MTHFD1: variants seen among roughly 807,000 people sequenced by gnomAD.
MTHFD1 encodes methylenetetrahydrofolate dehydrogenase, cyclohydrolase and formyltetrahydrofolate synthetase 1, also known as C-1-tetrahydrofolate synthase, cytoplasmic.
MTHFD1 carries 44 observed loss-of-function variants against 110.3 expected under a neutral mutation model. That is an observed-to-expected ratio of 0.40 (90% confidence interval 0.31 to 0.51). MTHFD1 has a LOEUF of 0.51. Ranked by LOEUF, MTHFD1 falls within the 20% of genes least tolerant of loss-of-function variation. The probability of loss-of-function intolerance (pLI) is 0.60; values close to 1 mark genes in which losing one functional copy is unlikely to be tolerated. For missense variants in MTHFD1, 909 were observed against 1,173.1 expected (o/e 0.77, Z 3.29); for synonymous variants, 402 against 428.8 (o/e 0.94, Z 0.77).
chr14:64,391,926 T>C (rs1391302022), intron 1 of MTHFD1, among the ~76,000 whole-genome samples: 1 of 152,162 alleles, frequency 6.6e-6, no homozygotes, highest in African/African-American at 2.4e-5. Context: ...TGCATACTGA[T>C]GGGTAGAGAC....
intron 17 of MTHFD1, among the ~76,000 whole-genome samples, chr14:64,439,912 A>T (rs577219417): frequency 1.3e-5 from 2 of 149,776 alleles, no homozygotes; most frequent in Admixed American, 6.7e-5. Context: ...AAAAAAAAAA[A>T]AAAAAATGAC....
At chr14:64,421,236 G>T (rs1033791784) in intron 8 of MTHFD1, among the ~76,000 whole-genome samples, 1 of 152,090 alleles carries the variant, frequency 6.6e-6, no homozygotes, top group Non-Finnish European at 1.5e-5. Flanking sequence ...ACGGCGTCCT[G>T]TGCTCTCCTG....
chr14:64,398,520 C>G (rs1239508415), intron 1 of MTHFD1, among the ~76,000 whole-genome samples: 2 of 151,878 alleles, frequency 1.3e-5, no homozygotes, highest in African/African-American at 2.4e-5. Flanking sequence ...GCACTCCAGC[C>G]TGGGTGATAG....
In MTHFD1 at chr14:64,425,777, A is replaced by G. The variant is rs1237391515; in HGVS notation, c.903A>G (p.Gly301=). The change falls in exon 10 of 28, where the codon GGA becomes GGG. Residue 301 remains glycine, a synonymous_variant. Coordinates refer to ENST00000652337, the MANE Select transcript of MTHFD1 (RefSeq NM_005956.4). The part of the protein sequence containing the change: ...AKRFLEKFKP[G]KWMIQYNNLN... ...GTTTCCTGGAGAAATTTAAGCCAGGAAAGTGGATGATTCAGTATAACAACC... is the reference window on the plus strand; with the variant it reads ...GTTTCCTGGAGAAATTTAAGCCAGGGAAGTGGATGATTCAGTATAACAACC... 6 of 1,613,586 alleles carry G rather than the reference A, an allele frequency of 3.7e-6. No individual in the cohort carries two copies. Among genetic ancestry groups the G allele is most frequent in the Middle Eastern group, 1.8e-4 (1 of 5,692 alleles).
chr14:64,412,828 C>T (rs1016096055), intron 4 of MTHFD1, among the ~76,000 whole-genome samples: 2 of 151,352 alleles, frequency 1.3e-5, no homozygotes, highest in Non-Finnish European at 1.5e-5. Flanking sequence ...AATAGAGACG[C>T]GGTTTCACCA....
In MTHFD1 at chr14:64,442,087, G is replaced by A; in HGVS notation, c.1918G>A (p.Ala640Thr). 1 of 1,614,148 alleles carries A rather than the reference G, an allele frequency of 6.2e-7. No homozygotes were observed. Among genetic ancestry groups the A allele is most frequent in the Non-Finnish European group, 8.5e-7 (1 of 1,180,022 alleles). ...TPVFVHAGPF[A>T]NIAHGNSSII... is the part of the protein sequence containing the mutation. ...AGTGTTTGTCCATGCTGGCCCGTTTGCCAACATCGCACATGGCAATTCCTC... is the reference window on the plus strand; with the variant it reads ...AGTGTTTGTCCATGCTGGCCCGTTTACCAACATCGCACATGGCAATTCCTC... Residue 640 changes from alanine to threonine, a missense_variant, in exon 20 of 28, where the codon GCC becomes ACC. By Grantham distance (58) the Ala-to-Thr change is moderately conservative. Around this residue, in one of 3 missense-constraint regions of MTHFD1, gnomAD observed 482 missense variants for 646.0 expected, o/e 0.75. Transcript: ENST00000652337.
At chr14:64,404,015 T>A (rs765201880) in intron 2 of MTHFD1, among the ~76,000 whole-genome samples, 79 of 152,214 alleles carry the variant, frequency 5.2e-4, no homozygotes, top group Non-Finnish European at 1.1e-3. Context: ...TTACACACCA[T>A]TGCTTTTGCA....
intron 1 of MTHFD1, among the ~76,000 whole-genome samples, chr14:64,393,103 A>G (rs2077819667): frequency 6.6e-6 from 1 of 152,202 alleles, no homozygotes. Flanking sequence ...TTTTGTGCTT[A>G]AAAAGATTTG....
At chr14:64,399,621 T>C (rs953166125) in intron 1 of MTHFD1, among the ~76,000 whole-genome samples, 5 of 139,618 alleles carry the variant, frequency 3.6e-5, no homozygotes, top group African/African-American at 1.4e-4. Context: ...ATCGCACCAT[T>C]GCACTCCAGC....
chr14:64,402,160 G>T (rs80084111), intron 2 of MTHFD1, among the ~76,000 whole-genome samples: 2 of 152,132 alleles, frequency 1.3e-5, no homozygotes, highest in African/African-American at 4.8e-5. Flanking sequence ...TCTCAGACTT[G>T]CACACTTTGT....
At chr14:64,439,652 G>A (rs1210149899) in intron 17 of MTHFD1, among the ~76,000 whole-genome samples, 3 of 152,116 alleles carry the variant, frequency 2.0e-5, no homozygotes, top group South Asian at 4.2e-4. Flanking sequence ...TGTAATCCCA[G>A]CACTTTGGGA....
At chr14:64,441,053 A>C (rs924191645) in intron 18 of MTHFD1, 15 of 352,864 alleles carry the variant, frequency 4.3e-5, no homozygotes, top group African/African-American at 2.8e-4. Flanking sequence ...TTAGCCGGGC[A>C]TAGTGGCGGG....
intron 1 of MTHFD1, among the ~76,000 whole-genome samples, chr14:64,396,748 T>C (rs1490296784): frequency 2.0e-5 from 3 of 151,408 alleles, no homozygotes; most frequent in Non-Finnish European, 4.4e-5. Context: ...ATGAAATAAA[T>C]CAACAAATGA....
chr14:64,397,512 C>G (rs1305050036), intron 1 of MTHFD1, among the ~76,000 whole-genome samples: 1 of 151,992 alleles, frequency 6.6e-6, no homozygotes, highest in Non-Finnish European at 1.5e-5. Context: ...CCAGGCTGGT[C>G]TCGAACTCCT....
At chr14:64,457,954 G>T in intron 26 of MTHFD1, 1 of 569,322 alleles carries the variant, frequency 1.8e-6, no homozygotes, top group Middle Eastern at 4.8e-4. Context: ...GCAATCGGAT[G>T]ATCATGGCTC....
At position 64,448,304 on chromosome 14, in the gene MTHFD1, G is replaced by A. The variant is rs1406982994; in HGVS notation, c.2266G>A (p.Val756Met). The change falls in exon 23 of 28, where the codon GTG becomes ATG. Residue 756 changes from valine to methionine, a missense_variant. Val to Met is a conservative substitution (Grantham distance 21, BLOSUM62 1). Coordinates refer to ENST00000652337, the MANE Select transcript of MTHFD1 (RefSeq NM_005956.4). The part of the protein sequence containing the change: ...RMFGIPVVVA[V>M]NAFKTDTESE... ...GTTTGGAATTCCAGTAGTAGTGGCC[G>A]TGAATGCATTCAAGTAAGTGTAGAG... 6 of 1,612,100 alleles carry A rather than the reference G, an allele frequency of 3.7e-6. No homozygotes were observed. Among genetic ancestry groups the A allele is most frequent in the Non-Finnish European group, 2.5e-6 (3 of 1,178,168 alleles).
intron 4 of MTHFD1, among the ~76,000 whole-genome samples, chr14:64,412,922 G>C (rs2077995909): frequency 6.6e-6 from 1 of 151,636 alleles, no homozygotes; most frequent in African/African-American, 2.4e-5. Flanking sequence ...ACAGGCGTGA[G>C]CCACCACGCC....
chr14:64,391,246 C>T (rs1297462738), intron 1 of MTHFD1, among the ~76,000 whole-genome samples: 1 of 152,098 alleles, frequency 6.6e-6, no homozygotes, highest in East Asian at 1.9e-4. Flanking sequence ...CTCACTGTAA[C>T]CTCCACTTCC....
chr14:64,411,626 G>A (rs868440178), intron 3 of MTHFD1, among the ~76,000 whole-genome samples: 2 of 152,198 alleles, frequency 1.3e-5, no homozygotes, highest in African/African-American at 2.4e-5. Context: ...ATGGCCGGAC[G>A]CGGTGGCTCA....
Sources: allele counts gnomAD v4.1 joint callset (sites outside exome capture counted in the v4.1 genomes callset), GRCh38; gene constraint gnomAD v4.1.1; regional missense constraint gnomAD v4.1.1; transcripts MANE v1.5; gene names NCBI Gene and HGNC (gene_info 2026-07-23, HGNC 2026-07-21).